ADRA1A: variants seen among roughly 807,000 people sequenced by gnomAD.
The protein encoded by ADRA1A is alpha-1A adrenergic receptor.
ADRA1A carries 31 observed loss-of-function variants against 29.6 expected under a neutral mutation model. The ratio of observed to expected loss-of-function variants is 1.05; its 90% CI spans 0.79 to 1.41. The LOEUF is 1.41. Ranked by LOEUF, ADRA1A falls within the 40% of genes most tolerant of loss-of-function variation. The pLI, the probability that ADRA1A is intolerant of heterozygous loss-of-function variation, is 0.00. For missense variants in ADRA1A, 619 were observed against 601.1 expected (o/e 1.03, Z -0.31); for synonymous variants, 311 against 254.3 (o/e 1.22, Z -2.12).
intron 2 of ADRA1A, among the ~76,000 whole-genome samples, chr8:26,781,376 C>A (rs976308998): frequency 6.6e-6 from 1 of 152,194 alleles, no homozygotes; most frequent in Non-Finnish European, 1.5e-5. Flanking sequence ...ATCCTTCATT[C>A]GTGTCTCTCT....
chr8:26,777,111 T>C (rs1806602335), intron 2 of ADRA1A, among the ~76,000 whole-genome samples: 1 of 152,220 alleles, frequency 6.6e-6, no homozygotes, highest in Non-Finnish European at 1.5e-5. Context: ...GTCTACCAGA[T>C]GCCTTTGTGC....
Position 26,845,964 on chromosome 8 carries a change from G to A in ADRA1A, c.883+18123C>T, listed in dbSNP as rs1055748468. Reference sequence around the variant, plus strand: ...GCTAATGGGACCCAGATTTCATTCTGGGGTCATGAAGTGCTTTGGAACTAG... The same window carrying A: ...GCTAATGGGACCCAGATTTCATTCTAGGGTCATGAAGTGCTTTGGAACTAG... On this transcript the variant is annotated intron_variant, in intron 2 of 2. Transcript: ENST00000380573. Among the ~76,000 whole-genome samples the A allele has an allele frequency of 8.5e-5, 13 of 152,258 alleles. 1 individual carries two copies. Among genetic ancestry groups the A allele is most frequent in the Admixed American group, 5.9e-4 (9 of 15,300 alleles).
At chr8:26,811,324 CT>C (rs1344444317) in intron 2 of ADRA1A, among the ~76,000 whole-genome samples, 1 of 152,180 alleles carries the variant, frequency 6.6e-6, no homozygotes, top group Non-Finnish European at 1.5e-5. Context: ...TCCTGAGTAG[CT>C]GGGACTACAG....
At chr8:26,763,912 T>G (rs1805639455), downstream of ADRA1A, among the ~76,000 whole-genome samples, 1 of 152,218 alleles carries the variant, frequency 6.6e-6, no homozygotes, top group South Asian at 2.1e-4. The surrounding 1 kb of genome is among the most constrained non-coding windows in gnomAD (Gnocchi z 4.5). Flanking sequence ...TCTAGTCACA[T>G]ACAGAAAAGG....
In ADRA1A at chr8:26,774,245, A is replaced by G. The variant is rs1481653744; in HGVS notation, c.884-3579T>C. On this transcript the variant is annotated intron_variant, in intron 2 of 2. Transcript: ENST00000380573. Reference sequence around the variant, plus strand: ...CAGGATCCATTCTCATGCTTGGAGTATTCTTCCCTTGTGATGGGGAACAGG... The same window carrying G: ...CAGGATCCATTCTCATGCTTGGAGTGTTCTTCCCTTGTGATGGGGAACAGG... Among the ~76,000 whole-genome samples, 4 of 152,190 alleles carry G rather than the reference A, an allele frequency of 2.6e-5. No individual in the cohort carries two copies. In the East Asian group the frequency reaches 7.7e-4, roughly 29 times the overall value.
chr8:26,756,101 C>A (rs1805153594), downstream of ADRA1A, among the ~76,000 whole-genome samples: 1 of 152,204 alleles, frequency 6.6e-6, no homozygotes, highest in African/African-American at 2.4e-5. Flanking sequence ...AACTTTAAAG[C>A]AAATTGCAAA....
At chr8:26,854,918 G>C (rs1272332215) in intron 2 of ADRA1A, among the ~76,000 whole-genome samples, 1 of 152,152 alleles carries the variant, frequency 6.6e-6, no homozygotes, top group Non-Finnish European at 1.5e-5. Flanking sequence ...GAGGCCCCAG[G>C]GAGCTGCCTC....
At position 26,831,869 on chromosome 8, in the gene ADRA1A, C is replaced by G. The variant is rs1810998493; in HGVS notation, c.883+32218G>C. Among the ~76,000 whole-genome samples, 1 of 152,238 alleles carries G rather than the reference C, an allele frequency of 6.6e-6. No homozygotes were observed. The highest frequency in any genetic ancestry group is 2.1e-4 in the South Asian group (1 of 4,834). On this transcript the variant is annotated intron_variant, in intron 2 of 2. Coordinates refer to ENST00000380573, the MANE Select transcript of ADRA1A (RefSeq NM_000680.4). The surrounding 1 kb of genome is among the most constrained non-coding windows in gnomAD (Gnocchi z 5.2). ...GCCACCGCCCCTGCGCTGTGGGCTC[C>G]CTGCCCTGTGGAGTCCTGTGCTCCA...
chr8:26,862,429 A>G (rs1182360801), intron 2 of ADRA1A, among the ~76,000 whole-genome samples: 1 of 152,148 alleles, frequency 6.6e-6, no homozygotes, highest in Admixed American at 6.5e-5. Context: ...TTTAGGATAC[A>G]ATCATTTGCT....
intron 2 of ADRA1A, among the ~76,000 whole-genome samples, chr8:26,819,705 C>T (rs558447503): frequency 6.6e-6 from 1 of 152,134 alleles, no homozygotes; most frequent in East Asian, 1.9e-4. Context: ...AAAAAAGGAA[C>T]TACACAACAG....
At chr8:26,763,637 A>C (rs1805626885), downstream of ADRA1A, among the ~76,000 whole-genome samples, 1 of 152,072 alleles carries the variant, frequency 6.6e-6, no homozygotes, top group Non-Finnish European at 1.5e-5. This position sits in a 1 kb window ranked among gnomAD's most constrained non-coding sequence, Gnocchi z 4.5. Context: ...ATATGAAAAA[A>C]ATATTTGTAT....
chr8:26,835,833 C>T (rs1811309779), intron 2 of ADRA1A: 1 of 152,206 alleles, frequency 6.6e-6, no homozygotes. Context: ...TTTGTTATTT[C>T]CACTTCTTTC....
rs1014706149 is a variant in ADRA1A at position 26,821,092 on chromosome 8, T to C, written c.883+42995A>G. On this transcript the variant is annotated intron_variant, in intron 2 of 2. Transcript: ENST00000380573. The surrounding 1 kb of genome is among the most constrained non-coding windows in gnomAD (Gnocchi z 5.6). ...TTTTAGTAGAGATGGGGTTTTGCCA[T>C]GTTAGCCAGGTGGTCTCAAACTCCT... Among the ~76,000 whole-genome samples, 1 of 152,146 alleles carries C rather than the reference T, an allele frequency of 6.6e-6. No individual in the cohort carries two copies. The highest frequency in any genetic ancestry group is 1.5e-5 in the Non-Finnish European group (1 of 68,026).
intron 2 of ADRA1A, among the ~76,000 whole-genome samples, chr8:26,817,235 C>T (rs1371949594): frequency 6.6e-6 from 1 of 152,122 alleles, no homozygotes; most frequent in African/African-American, 2.4e-5. Flanking sequence ...AATATTGGGA[C>T]ACATACTTCA....
chr8:26,822,144 T>C lies in ADRA1A; in HGVS notation c.883+41943A>G, dbSNP rs751736994. Among the ~76,000 whole-genome samples the C allele has an allele frequency of 3.3e-5, 5 of 152,316 alleles. No individual in the cohort carries two copies. In the Middle Eastern group the frequency reaches 0.01, roughly 311 times the overall value. On this transcript the variant is annotated intron_variant, in intron 2 of 2. Coordinates refer to ENST00000380573, the MANE Select transcript of ADRA1A (RefSeq NM_000680.4). ...TACTGGGTTGAATGGTAATTGCATG[T>C]TCATATTTTTAAGAATTTGTGAAAG...
chr8:26,769,383 A>C lies in ADRA1A; in HGVS notation c.*766T>G. On this transcript the variant is annotated 3_prime_UTR_variant, in exon 3 of 3. Coordinates refer to ENST00000380573, the MANE Select transcript of ADRA1A (RefSeq NM_000680.4). Reference sequence around the variant, plus strand: ...TAATGGATTTTCTCTCTAGTAGTTAAATTGAAAGAATGATGCTCAGGTCTA... The same window carrying C: ...TAATGGATTTTCTCTCTAGTAGTTACATTGAAAGAATGATGCTCAGGTCTA... The C allele has an allele frequency of 1.0e-6, 1 of 985,434 alleles. No individual in the cohort carries two copies. The highest frequency in any genetic ancestry group is 1.2e-6 in the Non-Finnish European group (1 of 829,934). The allele number at this position is 985,434 out of a possible 1,614,324, so 61.0% of individuals were successfully genotyped here.
chr8:26,761,119 T>C (rs1453993118), downstream of ADRA1A, among the ~76,000 whole-genome samples: 1 of 152,232 alleles, frequency 6.6e-6, no homozygotes, highest in Non-Finnish European at 1.5e-5. Flanking sequence ...CTTATATAAG[T>C]ACAGTATATA....
In ADRA1A at chr8:26,806,731, C is replaced by A. The variant is rs1809015967; in HGVS notation, c.884-36065G>T. ...GAGTTCGGTCATTACATAAAGCTGC[C>A]ACATGCCTGGAAGGAGGAAATAGGA... On this transcript the variant is annotated intron_variant, in intron 2 of 2. Coordinates refer to ENST00000380573, the MANE Select transcript of ADRA1A (RefSeq NM_000680.4). This position sits in a 1 kb window ranked among gnomAD's most constrained non-coding sequence, Gnocchi z 4.6. Among the ~76,000 whole-genome samples the A allele has an allele frequency of 6.6e-6, 1 of 152,164 alleles. No individual in the cohort carries two copies. Among genetic ancestry groups the A allele is most frequent in the African/African-American group, 2.4e-5 (1 of 41,446 alleles).
Position 26,865,031 on chromosome 8 carries a change from GGCGGGAGC to G in ADRA1A, c.-70_-63del, listed in dbSNP as rs1813805026. ...GGGCCACCTCCCGGGCTGGCGCGGA[GGCGGGAGC>G]GCGGGAGCCGGGAATCAAAAGGTCT... On this transcript the variant is annotated 5_prime_UTR_variant, in exon 2 of 3. Transcript: ENST00000380573. The surrounding 1 kb of genome is among the most constrained non-coding windows in gnomAD (Gnocchi z 7.6). The G allele has an allele frequency of 4.6e-6, 7 of 1,521,696 alleles. No homozygotes were observed. Among genetic ancestry groups the G allele is most frequent in the South Asian group, 2.6e-5 (2 of 77,532 alleles). 94.3% of individuals were successfully genotyped at this position (1,521,696 alleles called of 1,614,324 possible). A position where few individuals can be genotyped will look rare whatever the true frequency, so the allele number is the denominator to read the frequency against.
Sources: gnomAD v4.1 joint callset for allele counts (sites outside exome capture counted in the v4.1 genomes callset) on GRCh38, gnomAD v4.1.1 for gene constraint, Gnocchi (gnomAD v3.1) non-coding constraint, MANE v1.5 for transcripts, NCBI Gene and HGNC (gene_info 2026-07-23, HGNC 2026-07-21) for gene names.